The following TNS1 variants were observed in gnomAD, a reference collection of about 807,000 sequenced individuals.
The protein encoded by TNS1 is tensin-1.
TNS1 carries 62 observed loss-of-function variants against 168.6 expected under a neutral mutation model. The observed-to-expected ratio is 0.37, with a 90% CI of 0.30 to 0.45. The LOEUF (loss-of-function observed/expected upper bound fraction) is 0.45. TNS1 is among the 20% of genes least tolerant of loss of function. The pLI, the probability that TNS1 is intolerant of heterozygous loss-of-function variation, is 1.00. For synonymous variants in TNS1, 934 were observed against 933.2 expected, an observed-to-expected ratio of 1.00 and a Z score of -0.02; for missense variants, 2,240 against 2,339.4, an observed-to-expected ratio of 0.96 and a Z score of 0.88.
At chr2:217,921,380 G>A (rs550732222) in intron 3 of TNS1, among the ~76,000 whole-genome samples, 11 of 152,296 alleles carry the variant, frequency 7.2e-5, no homozygotes, top group Non-Finnish European at 1.2e-4. Context: ...CCACCAGCCC[G>A]GTGGAGTGGT....
intron 2 of TNS1, among the ~76,000 whole-genome samples, chr2:217,988,195 G>A (rs1958249942): frequency 6.6e-6 from 1 of 152,158 alleles, no homozygotes; most frequent in Non-Finnish European, 1.5e-5. Context: ...CCCAGCCAGA[G>A]CTGCCAAACC....
chr2:218,031,518 C>T (rs1229190022), intron 1 of TNS1, among the ~76,000 whole-genome samples: 2 of 138,090 alleles, frequency 1.4e-5, no homozygotes, highest in Non-Finnish European at 3.2e-5. Flanking sequence ...ATGAGTGTGT[C>T]TTGTGTGAGT....
intron 32 of TNS1, among the ~76,000 whole-genome samples, 174 bp from the exon 33 acceptor site, chr2:217,804,777 C>G (rs1462757397): frequency 6.6e-6 from 1 of 152,142 alleles, no homozygotes; most frequent in African/African-American, 2.4e-5. Context: ...TGTGCACTCC[C>G]CTGACCACAA....
At chr2:217,833,805 A>T (rs755756062) in intron 21 of TNS1, among the ~76,000 whole-genome samples, 6 of 152,266 alleles carry the variant, frequency 3.9e-5, no homozygotes, top group Non-Finnish European at 5.9e-5. Context: ...AACACAAAAC[A>T]TCCCGTTCTT....
At position 217,999,672 on chromosome 2, in the gene TNS1, C is replaced by T. The variant is rs550276291; in HGVS notation, c.33+3168G>A. 1.2e-4 allele frequency among the ~76,000 whole-genome samples: 18 copies of T among 152,326 alleles called. No homozygotes were observed. In the South Asian group the frequency reaches 2.9e-3, roughly 25 times the overall value. ...TACAGGTCAACCAAACTAGAGAGAA[C>T]GAGTTCAGGACCAAAGAGTCAGATT... On this transcript the variant is annotated intron_variant, in intron 1 of 32. Transcript: ENST00000682258.
At chr2:217,879,577 T>C in intron 18 of TNS1, 1 of 306,708 alleles carries the variant, frequency 3.3e-6, no homozygotes, top group South Asian at 2.3e-5. Context: ...CTTTTCAATG[T>C]TGCACGTAAA....
At chr2:217,930,364 C>T (rs1956256772) in intron 3 of TNS1, among the ~76,000 whole-genome samples, 1 of 152,212 alleles carries the variant, frequency 6.6e-6, no homozygotes, top group Non-Finnish European at 1.5e-5. Flanking sequence ...TCATGGAGAA[C>T]ATGGCCTTTG....
At chr2:217,907,709 C>A (rs1038399119) in intron 4 of TNS1, among the ~76,000 whole-genome samples, 1 of 152,198 alleles carries the variant, frequency 6.6e-6, no homozygotes, top group African/African-American at 2.4e-5. Context: ...CATCTTGGGG[C>A]TCTAAGTGAA....
intron 18 of TNS1, among the ~76,000 whole-genome samples, chr2:217,877,880 C>G (rs537356082): frequency 6.6e-6 from 1 of 152,250 alleles, no homozygotes; most frequent in East Asian, 1.9e-4. Flanking sequence ...TGCTGACTGC[C>G]TGGCTGGGTG....
chr2:217,957,986 C>T (rs1294399063), intron 3 of TNS1, among the ~76,000 whole-genome samples: 1 of 139,606 alleles, frequency 7.2e-6, no homozygotes, highest in East Asian at 2.0e-4. Flanking sequence ...GGTTTTAAAT[C>T]TCCCATAATA....
chr2:217,877,627 C>G (rs1283110778), intron 18 of TNS1, among the ~76,000 whole-genome samples: 1 of 152,224 alleles, frequency 6.6e-6, no homozygotes, highest in Non-Finnish European at 1.5e-5. Flanking sequence ...GGAGAGGGCT[C>G]TAAGTGTCAC....
chr2:217,915,034 T>C (rs967999892), intron 4 of TNS1, among the ~76,000 whole-genome samples: 1 of 152,222 alleles, frequency 6.6e-6, no homozygotes, highest in Non-Finnish European at 1.5e-5. Flanking sequence ...CAGCATCCTC[T>C]TGGGAATGCA....
At chr2:217,853,130 G>A (rs1294127499) in intron 18 of TNS1, among the ~76,000 whole-genome samples, 1 of 152,078 alleles carries the variant, frequency 6.6e-6, no homozygotes, top group African/African-American at 2.4e-5. Context: ...GGCCACATTA[G>A]AGCTTTTTAC....
chr2:218,011,797 G>C (rs1241639557), upstream of TNS1, among the ~76,000 whole-genome samples: 114 of 152,124 alleles, frequency 7.5e-4, 1 homozygote, highest in Admixed American at 7.4e-3. Flanking sequence ...CAGGACCCCA[G>C]GGAGGGAGAA....
At chr2:217,863,268 A>T (rs1948958787) in intron 18 of TNS1, among the ~76,000 whole-genome samples, 1 of 151,374 alleles carries the variant, frequency 6.6e-6, no homozygotes. Flanking sequence ...GTGAGATCAC[A>T]AAGATGAGAG....
chr2:217,981,187 C>T (rs149930805), intron 2 of TNS1, among the ~76,000 whole-genome samples: 3 of 152,324 alleles, frequency 2.0e-5, no homozygotes, highest in Non-Finnish European at 4.4e-5. Context: ...GGAGGCCCAT[C>T]CCCTGGGCAG....
intron 3 of TNS1, among the ~76,000 whole-genome samples, chr2:217,941,566 G>A (rs959942209): frequency 6.6e-6 from 1 of 152,156 alleles, no homozygotes; most frequent in Admixed American, 6.5e-5. Context: ...CTGCGCCCAC[G>A]CCCCAGGCCA....
chr2:218,030,512 G>C (rs570099713), intron 1 of TNS1, among the ~76,000 whole-genome samples: 24 of 152,356 alleles, frequency 1.6e-4, no homozygotes, highest in Non-Finnish European at 3.1e-4. Flanking sequence ...CCTATCCCCA[G>C]CCCCAAGCTC....
Position 217,978,646 on chromosome 2 carries a change from A to C in TNS1, c.186+119T>G, listed in dbSNP as rs1957954877. On this transcript the variant is annotated intron_variant, in intron 3 of 32. Transcript: ENST00000682258. ...GCCCAGGCGCTTTGCATAAACAAAG[A>C]GAGGAGGAGGGACGCCCCGGGCACC... 5.1e-6 allele frequency: 3 copies of C among 586,754 alleles called. No homozygotes were observed. The South Asian group carries it at 5.7e-5, about 11-fold the overall frequency. The allele number at this position is 586,754 out of a possible 1,614,324, so 36.3% of individuals were successfully genotyped here.
Sources: allele counts gnomAD v4.1 joint callset (sites outside exome capture counted in the v4.1 genomes callset), GRCh38; gene constraint gnomAD v4.1.1; transcripts MANE v1.5; gene names NCBI Gene and HGNC (gene_info 2026-07-23, HGNC 2026-07-21).